RRAGC: variants seen among roughly 807,000 people sequenced by gnomAD.
RRAGC encodes the protein ras-related GTP-binding protein C.
Under a neutral mutation model 37.1 loss-of-function variants are expected in RRAGC, and 8 were observed. The observed-to-expected ratio is 0.22, with a 90% confidence interval of 0.13 to 0.39. The LOEUF (loss-of-function observed/expected upper bound fraction) is 0.39. Among genes scored for constraint, RRAGC ranks in the 10% least tolerant of loss-of-function variants. The pLI is 1.00. For synonymous variants in RRAGC, 190 were observed against 181.1 expected, an observed-to-expected ratio of 1.05 and a Z score of -0.39; for missense variants, 342 against 497.6, an observed-to-expected ratio of 0.69 and a Z score of 2.98.
intron 1 of RRAGC, 88 bp downstream of exon 1, chr1:38,859,322 G>C: frequency 2.4e-6 from 3 of 1,230,148 alleles, no homozygotes; most frequent in Non-Finnish European, 2.3e-6. Context: ...GCGCAGGCGG[G>C]CCCCGGCCGC....
chr1:38,851,816 A>G, intron 4 of RRAGC, 59 bp from the exon 5 acceptor site: 1 of 1,469,192 alleles, frequency 6.8e-7, no homozygotes. Context: ...TTTACAACTT[A>G]TCGAAGATCT....
In RRAGC at chr1:38,855,902, G is replaced by A. The variant is rs779725644; in HGVS notation, c.447C>T (p.Asp149=). The A allele has an allele frequency of 4.5e-5, 73 of 1,610,094 alleles. No homozygotes were observed. Among genetic ancestry groups the A allele is most frequent in the Non-Finnish European group, 5.4e-5 (63 of 1,177,060 alleles). Residue 149 remains aspartate, a synonymous_variant, in exon 3 of 7, where the codon GAC becomes GAT. Transcript: ENST00000373001. ...GAAGTCTTGTTAAAGCCTCCATGTAGTCATCCTGTAAGTCAGAACAAAATA... is the reference window on the plus strand; with the variant it reads ...GAAGTCTTGTTAAAGCCTCCATGTAATCATCCTGTAAGTCAGAACAAAATA... ...ALIYVIDAQD[D]YMEALTRLHI... is the part of the protein sequence containing the mutation.
rs924278343 is a variant in RRAGC, at chr1:38,857,216, G to C, written c.238-134C>G. The C allele has an allele frequency of 5.3e-5, 33 of 624,372 alleles. No individual in the cohort carries two copies. In the African/African-American group the frequency reaches 5.5e-4, roughly 10 times the overall value. 38.7% of individuals were successfully genotyped at this position (624,372 alleles called of 1,614,324 possible). On this transcript the variant is annotated intron_variant, in intron 1 of 6. Coordinates refer to ENST00000373001, the MANE Select transcript of RRAGC (RefSeq NM_022157.4). ...TTTTGAAAAGTAGAAACTGAATGGT[G>C]AATCCATTGGTATTCACTATCCCTT...
At chr1:38,855,573 A>G in intron 3 of RRAGC, 135 bp downstream of exon 3, 1 of 757,270 alleles carries the variant, frequency 1.3e-6, no homozygotes, top group Non-Finnish European at 2.2e-6. Flanking sequence ...CTGGAATTCA[A>G]CAACAAGATC....
intron 2 of RRAGC, 29 bp downstream of exon 2, chr1:38,856,850 G>A (rs1477916824): frequency 1.3e-6 from 2 of 1,596,438 alleles, no homozygotes; most frequent in African/African-American, 2.7e-5. Flanking sequence ...TTCCCACCAG[G>A]AAAGAGGAGT....
At chr1:38,843,257 C>G (rs1053874812) in intron 6 of RRAGC, among the ~76,000 whole-genome samples, 1 of 150,990 alleles carries the variant, frequency 6.6e-6, no homozygotes, top group African/African-American at 2.4e-5. Flanking sequence ...CTTGAGCCCA[C>G]GAGTTTGAGG....
In RRAGC at chr1:38,859,620, C is replaced by T; in HGVS notation, c.27G>A (p.Glu9=). The part of the protein sequence containing the change: MSLQYGAE[E]TPLAGSYGAA... ...CGCCGTAACTGCCGGCGAGGGGCGT[C>T]TCCTCCGCCCCGTACTGCAGGGACA... The change falls in exon 1 of 7, where the codon GAG becomes GAA. Residue 9 remains glutamate, a synonymous_variant. Transcript: ENST00000373001. The T allele has an allele frequency of 1.3e-6, 2 of 1,562,120 alleles. No individual in the cohort carries two copies. Among genetic ancestry groups the T allele is most frequent in the Non-Finnish European group, 1.7e-6 (2 of 1,154,728 alleles).
intron 5 of RRAGC, among the ~76,000 whole-genome samples, chr1:38,850,342 G>A (rs1435616223): frequency 1.3e-5 from 2 of 151,822 alleles, no homozygotes; most frequent in South Asian, 2.1e-4. Flanking sequence ...GTGGAATCCC[G>A]TCTCTACTAA....
Position 38,852,484 on chromosome 1 carries a change from A to G in RRAGC, c.646T>C (p.Tyr216His). 1.4e-6 allele frequency: 2 copies of G among 1,447,016 alleles called. No homozygotes were observed. Among genetic ancestry groups the G allele is most frequent in the Non-Finnish European group, 1.9e-6 (2 of 1,033,530 alleles). The allele number at this position is 1,447,016 out of a possible 1,614,324, so 89.6% of individuals were successfully genotyped here. The change falls in exon 4 of 7, where the codon TAT (tyrosine) becomes CAT (histidine). Residue 216 changes from tyrosine to histidine, a missense_variant. By Grantham distance (83) the Tyr-to-His change is moderately conservative. Coordinates refer to ENST00000373001, the MANE Select transcript of RRAGC (RefSeq NM_022157.4). ...AGLEKLHLSF[Y>H]LTSIYDHSIF... ...GAATGGTCATAGATACTAGTCAGAT[A>G]AAAGCTGAAAAACACAACATAGCTT...
Position 38,851,624 on chromosome 1 carries a change from C to G in RRAGC, c.890G>C (p.Cys297Ser). ...TATATACATAACTTACCCATATATA[C>G]AAGACACATCAATTACAACATCGAT... is the stretch of plus-strand genomic sequence containing the variant. ...DMIDVVIDVS[C>S]IYGLKEDGSG... Residue 297 changes from cysteine (C) to serine (S), a missense_variant, in exon 5 of 7, where the codon TGT becomes TCT. By Grantham distance (112) the Cys-to-Ser change is moderately radical. Transcript: ENST00000373001. 1 of 1,553,236 alleles carries G rather than the reference C, an allele frequency of 6.4e-7. No homozygotes were observed. The highest frequency in any genetic ancestry group is 8.6e-7 in the Non-Finnish European group (1 of 1,157,486).
intron 1 of RRAGC, among the ~76,000 whole-genome samples, chr1:38,858,916 G>A (rs978638511): frequency 6.6e-6 from 1 of 152,206 alleles, no homozygotes; most frequent in African/African-American, 2.4e-5. Context: ...ATGCTACAGC[G>A]AAGTCTCCTT....
chr1:38,845,828 T>C (rs1007783102), intron 6 of RRAGC, 111 bp downstream of exon 6: 9 of 860,326 alleles, frequency 1.0e-5, no homozygotes, highest in African/African-American at 1.7e-5. Flanking sequence ...GCTTTTTTTT[T>C]CTGATAGCTA....
chr1:38,854,671 A>G (rs1642145153), intron 3 of RRAGC, among the ~76,000 whole-genome samples: 1 of 152,204 alleles, frequency 6.6e-6, no homozygotes, highest in Non-Finnish European at 1.5e-5. Context: ...TTTAACATGA[A>G]TTATTTTCAA....
intron 6 of RRAGC, among the ~76,000 whole-genome samples, chr1:38,841,599 A>C (rs1361632201): frequency 1.3e-5 from 2 of 149,156 alleles, no homozygotes; most frequent in African/African-American, 2.5e-5. Context: ...TCCTGAGCTC[A>C]AGCGTCCTCC....
chr1:38,851,632 A>G lies in RRAGC; in HGVS notation c.882T>C (p.Asp294=). ...LCCDMIDVVI[D]VSCIYGLKED... ...TAACTTACCCATATATACAAGACACATCAATTACAACATCGATCATGTCAC... is the reference window on the plus strand; with the variant it reads ...TAACTTACCCATATATACAAGACACGTCAATTACAACATCGATCATGTCAC... The change falls in exon 5 of 7, where the codon GAT becomes GAC. Residue 294 remains aspartate (D), a synonymous_variant. Coordinates refer to ENST00000373001, the MANE Select transcript of RRAGC (RefSeq NM_022157.4). 6.4e-7 allele frequency: 1 copy of G among 1,561,492 alleles called. No homozygotes were observed. Among genetic ancestry groups the G allele is most frequent in the Non-Finnish European group, 8.6e-7 (1 of 1,161,176 alleles).
chr1:38,845,788 C>G, intron 6 of RRAGC, 151 bp downstream of exon 6: 1 of 600,154 alleles, frequency 1.7e-6, no homozygotes, highest in Non-Finnish European at 2.9e-6. Context: ...CTGGACTATA[C>G]ATGGAAGGAA....
chr1:38,846,126 A>T (rs1292729002), intron 5 of RRAGC, 39 bp from the exon 6 acceptor site: 1 of 1,508,896 alleles, frequency 6.6e-7, no homozygotes, highest in East Asian at 2.3e-5. Flanking sequence ...CAGGTTTCCC[A>T]TCTAGGCATC....
chr1:38,842,069 G>A (rs943857711), intron 6 of RRAGC, among the ~76,000 whole-genome samples: 2 of 151,698 alleles, frequency 1.3e-5, no homozygotes, highest in Non-Finnish European at 2.9e-5. Flanking sequence ...TCAGGAGATC[G>A]AGACCATCCT....
chr1:38,853,785 A>G (rs997560997), intron 3 of RRAGC, among the ~76,000 whole-genome samples: 1 of 152,038 alleles, frequency 6.6e-6, no homozygotes, highest in African/African-American at 2.4e-5. Context: ...GAGCTGACCT[A>G]AGAACCTAAT....
Sources: allele counts gnomAD v4.1 joint callset (sites outside exome capture counted in the v4.1 genomes callset), GRCh38; gene constraint gnomAD v4.1.1; transcripts MANE v1.5; gene names NCBI Gene and HGNC (gene_info 2026-07-23, HGNC 2026-07-21).